PALM2AKAP2: variants seen among roughly 807,000 people sequenced by gnomAD.
PALM2AKAP2 encodes the protein PALM2-AKAP2 fusion protein.
PALM2AKAP2 carries 37 observed loss-of-function variants against 71.5 expected under a neutral mutation model. The ratio of observed to expected loss-of-function variants is 0.52; its 90% CI spans 0.40 to 0.68. PALM2AKAP2 has a LOEUF of 0.68. PALM2AKAP2 is among the 30% of genes least tolerant of loss of function. PALM2AKAP2 has a pLI of 0.00. For missense variants in PALM2AKAP2, 1,224 were observed against 1,191.8 expected, an observed-to-expected ratio of 1.03 and a Z score of -0.40; for synonymous variants, 468 against 478.8, an observed-to-expected ratio of 0.98 and a Z score of 0.29.
chr9:109,944,793 A>G (rs1455490496), intron 6 of PALM2AKAP2: 5 of 152,202 alleles, frequency 3.3e-5, no homozygotes, highest in Non-Finnish European at 7.4e-5. Flanking sequence ...AAAAAGCCAC[A>G]TATGTAGTAA....
intron 1 of PALM2AKAP2, among the ~76,000 whole-genome samples, chr9:109,835,499 G>C (rs1165036405): frequency 6.6e-6 from 1 of 152,106 alleles, no homozygotes; most frequent in Non-Finnish European, 1.5e-5. Context: ...GAGGTACTGG[G>C]TTCATCTCAT....
intron 6 of PALM2AKAP2, among the ~76,000 whole-genome samples, chr9:110,000,162 T>TC (rs989714927): frequency 1.4e-5 from 1 of 70,622 alleles, no homozygotes; most frequent in Non-Finnish European, 2.9e-5. Context: ...CCCTCCCCCC[T>TC]CCCCCCACCA....
chr9:109,916,709 G>T (rs1025113252), intron 3 of PALM2AKAP2, among the ~76,000 whole-genome samples: 1 of 152,222 alleles, frequency 6.6e-6, no homozygotes, highest in Non-Finnish European at 1.5e-5. Flanking sequence ...ATTGCATTCA[G>T]CTATGATCAC....
At chr9:110,031,112 G>T (rs1447905999) in intron 7 of PALM2AKAP2, among the ~76,000 whole-genome samples, 2 of 152,280 alleles carry the variant, frequency 1.3e-5, no homozygotes, top group Admixed American at 6.5e-5. Context: ...AGATTGTGAG[G>T]TTTATTATTG....
exon 4 of PALM2AKAP2, chr9:110,168,403 T>C (rs888823614): frequency 3.1e-6 from 5 of 1,613,988 alleles, no homozygotes; most frequent in Non-Finnish European, 3.4e-6. Context: ...TTACAGGTCC[T>C]CGAGGCCACA....
At position 109,785,264 on chromosome 9, in the gene PALM2AKAP2, GA is replaced by G. The variant is rs200855295; in HGVS notation, c.45+4733del. Among the ~76,000 whole-genome samples, 43 of 152,342 alleles carry G rather than the reference GA, an allele frequency of 2.8e-4. No homozygotes were observed. The East Asian group carries it at 8.3e-3, about 29-fold the overall frequency. On this transcript the variant is annotated intron_variant, in intron 1 of 9. Coordinates refer to the PALM2AKAP2 transcript ENST00000302798. ...GTCATTTAATTAGAACCCACTCTGT[GA>G]AGTAATAAAAATGATCTTTGCATTT...
intron 6 of PALM2AKAP2, among the ~76,000 whole-genome samples, chr9:110,010,202 A>G (rs1305041783): frequency 1.3e-5 from 2 of 152,142 alleles, no homozygotes; most frequent in Admixed American, 6.5e-5. Context: ...GGGAAATGCA[A>G]ACTTATTCTC....
At chr9:110,048,648 C>A, upstream of PALM2AKAP2, 1 of 1,462,340 alleles carries the variant, frequency 6.8e-7, no homozygotes, top group Non-Finnish European at 9.0e-7. Context: ...CAGGAGCAGG[C>A]GGGCGGGGCT....
chr9:109,880,430 G>A (rs1829818671), intron 2 of PALM2AKAP2, 121 bp from the exon 3 acceptor site: 1 of 1,435,752 alleles, frequency 7.0e-7, no homozygotes, highest in East Asian at 2.3e-5. Context: ...GTGAGGAGGT[G>A]AAGGCAGCGA....
intron 1 of PALM2AKAP2, among the ~76,000 whole-genome samples, chr9:110,135,828 C>T (rs956176835): frequency 4.6e-5 from 7 of 152,060 alleles, no homozygotes; most frequent in Non-Finnish European, 7.4e-5. Flanking sequence ...AATCATTTGC[C>T]GCAAAATACT....
intron 7 of PALM2AKAP2, among the ~76,000 whole-genome samples, chr9:110,016,979 A>T (rs1391884237): frequency 6.6e-6 from 1 of 152,142 alleles, no homozygotes; most frequent in Non-Finnish European, 1.5e-5. Flanking sequence ...TCCCGGGTTC[A>T]TGCCATTCTC....
intron 6 of PALM2AKAP2, among the ~76,000 whole-genome samples, chr9:110,010,537 A>G (rs1270417445): frequency 6.9e-6 from 1 of 144,800 alleles, no homozygotes; most frequent in African/African-American, 2.6e-5. Flanking sequence ...AATTCTCTAC[A>G]TATATAAATT....
chr9:109,785,342 A>T (rs1251321651), intron 1 of PALM2AKAP2, among the ~76,000 whole-genome samples: 2 of 152,200 alleles, frequency 1.3e-5, no homozygotes, highest in Non-Finnish European at 2.9e-5. Flanking sequence ...CTTCTTCCTG[A>T]GGTGTGTAGA....
At chr9:110,149,339 G>T (rs1836255189) in intron 2 of PALM2AKAP2, among the ~76,000 whole-genome samples, 2 of 152,234 alleles carry the variant, frequency 1.3e-5, no homozygotes, top group Admixed American at 6.5e-5. Flanking sequence ...TGCACCGCCT[G>T]GGATGATGGA....
chr9:109,807,115 C>G (rs377380749), intron 1 of PALM2AKAP2, among the ~76,000 whole-genome samples: 13 of 146,842 alleles, frequency 8.9e-5, no homozygotes, highest in African/African-American at 3.4e-4. Context: ...GGGGATTTTT[C>G]TCATCCAGTA....
intron 1 of PALM2AKAP2, among the ~76,000 whole-genome samples, chr9:109,643,132 G>A (rs893708210): frequency 6.6e-6 from 1 of 152,004 alleles, no homozygotes; most frequent in Non-Finnish European, 1.5e-5. Context: ...GGAAAGAAAG[G>A]GAAAGACAAT....
intron 2 of PALM2AKAP2, among the ~76,000 whole-genome samples, chr9:109,872,569 C>G (rs1829628472): frequency 6.6e-6 from 1 of 152,212 alleles, no homozygotes; most frequent in South Asian, 2.1e-4. Context: ...GGAACCCTCA[C>G]TAGAGTTTTC....
chr9:109,973,874 CT>C (rs1287461446), intron 6 of PALM2AKAP2, among the ~76,000 whole-genome samples: 2 of 152,176 alleles, frequency 1.3e-5, no homozygotes, highest in Non-Finnish European at 1.5e-5. Context: ...CCTTGGGCTT[CT>C]TGAGGACTCA....
At chr9:109,982,625 A>AT (rs1468905944) in intron 6 of PALM2AKAP2, among the ~76,000 whole-genome samples, 5 of 152,038 alleles carry the variant, frequency 3.3e-5, no homozygotes, top group African/African-American at 4.8e-5. Context: ...AAACAGTAAA[A>AT]TTTTTTTAAA....
Sources: gnomAD v4.1 joint callset for allele counts (sites outside exome capture counted in the v4.1 genomes callset) on GRCh38, gnomAD v4.1.1 for gene constraint, MANE v1.5 for transcripts, NCBI Gene and HGNC (gene_info 2026-07-23, HGNC 2026-07-21) for gene names.